WAPL: variants seen among roughly 807,000 people sequenced by gnomAD.
WAPL encodes the protein WAPL cohesin release factor, also known as wings apart-like protein homolog.
In WAPL, 5 loss-of-function variants were observed where a neutral mutation model predicts 121.0. That is an observed-to-expected ratio of 0.04 (90% CI 0.02 to 0.09). The LOEUF (loss-of-function observed/expected upper bound fraction) is 0.09. Among genes scored for constraint, WAPL ranks in the 10% least tolerant of loss-of-function variants. The probability of loss-of-function intolerance (pLI) is 1.00; values close to 1 mark genes in which losing one functional copy is unlikely to be tolerated. For synonymous variants in WAPL, 480 were observed against 481.5 expected (o/e 1.00, Z 0.04); for missense variants, 999 against 1,410.8 (o/e 0.71, Z 4.68).
intron 9 of WAPL, 128 bp from the exon 10 acceptor site, chr10:86,461,415 A>G: frequency 1.5e-6 from 1 of 662,872 alleles, no homozygotes; most frequent in Non-Finnish European, 2.5e-6. Flanking sequence ...AAATTGAACT[A>G]ATTTTCAATT....
chr10:86,449,566 C>A (rs1400359825), intron 15 of WAPL, among the ~76,000 whole-genome samples: 1 of 152,150 alleles, frequency 6.6e-6, no homozygotes. Flanking sequence ...CAATTAGACA[C>A]AGTAGGAAAA....
rs1381585992 is a variant in WAPL, at chr10:86,499,978, T to C, written c.1265A>G (p.Lys422Arg). 6.2e-7 allele frequency: 1 copy of C among 1,614,158 alleles called. No individual in the cohort carries two copies. Among genetic ancestry groups the C allele is most frequent in the East Asian group, 2.2e-5 (1 of 44,886 alleles). ...RFRPSNTKSK[K>R]DVKLEFFGFE... The stretch of plus-strand genomic sequence containing the variant: ...ACCAAAAAATTCAAGTTTAACATCC[T>C]TTTTGGATTTAGTATTACTAGGTCG... The change falls in exon 3 of 19, where the codon AAG (lysine) becomes AGG (arginine). Residue 422 changes from lysine (K) to arginine (R), a missense_variant. Lys to Arg is a conservative substitution (Grantham distance 26). Transcript: ENST00000298767.
At chr10:86,476,251 G>C (rs1462371459) in intron 4 of WAPL, among the ~76,000 whole-genome samples, 1 of 152,042 alleles carries the variant, frequency 6.6e-6, no homozygotes, top group Non-Finnish European at 1.5e-5. Flanking sequence ...TGCAGTCCCA[G>C]CTACTTGGGA....
At chr10:86,454,812 C>T (rs1841094065) in intron 12 of WAPL, among the ~76,000 whole-genome samples, 1 of 151,244 alleles carries the variant, frequency 6.6e-6, no homozygotes, top group South Asian at 2.1e-4. Context: ...GGCCGCCCAT[C>T]GTCTGAGATG....
At chr10:86,503,670 G>A (rs995699038) in intron 2 of WAPL, among the ~76,000 whole-genome samples, 10 of 151,012 alleles carry the variant, frequency 6.6e-5, no homozygotes, top group African/African-American at 9.7e-5. Context: ...GGAGAATGGC[G>A]TGAACCCGGA....
intron 2 of WAPL, among the ~76,000 whole-genome samples, chr10:86,512,279 A>G (rs1180324671): frequency 6.6e-6 from 1 of 152,252 alleles, no homozygotes; most frequent in African/African-American, 2.4e-5. Context: ...TACAGCTTTA[A>G]GCAAATTAAA....
intron 15 of WAPL, among the ~76,000 whole-genome samples, chr10:86,449,475 T>C (rs1175465601): frequency 1.3e-5 from 2 of 152,112 alleles, no homozygotes; most frequent in Non-Finnish European, 2.9e-5. Context: ...ACAGAGAAGA[T>C]ATAGGATGAT....
chr10:86,450,944 C>G (rs1278661270), intron 15 of WAPL, among the ~76,000 whole-genome samples: 1 of 152,126 alleles, frequency 6.6e-6, no homozygotes, highest in Non-Finnish European at 1.5e-5. Flanking sequence ...TCACAATTTC[C>G]CATGCTCGGC....
chr10:86,477,856 G>T (rs950975743), intron 4 of WAPL, among the ~76,000 whole-genome samples: 2 of 151,880 alleles, frequency 1.3e-5, no homozygotes, highest in Non-Finnish European at 2.9e-5. Flanking sequence ...AAGGTGGGCG[G>T]ATCACTTGAG....
In WAPL at chr10:86,438,006, T is replaced by C; in HGVS notation, c.3421A>G (p.Thr1141Ala). The C allele has an allele frequency of 6.2e-7, 1 of 1,613,008 alleles. No individual in the cohort carries two copies. Residue 1141 changes from threonine (T) to alanine (A), a missense_variant, in exon 18 of 19, where the codon ACC becomes GCC. By Grantham distance (58) the Thr-to-Ala change is moderately conservative (BLOSUM62 0). This residue lies in a region of WAPL where 35 missense variants were observed against 80.3 expected (regional missense o/e 0.44). Transcript: ENST00000298767. ...TCTGGCAGATATTCCCGCACAGTGG[T>C]TACATTGATCTGAGGAAACAGAGCA... is the stretch of plus-strand genomic sequence containing the variant. ...CLCQESPINVTTVREYLPEGD... is the reference protein window; with the variant it reads ...CLCQESPINVATVREYLPEGD...
At chr10:86,456,987 G>A (rs189282525) in intron 12 of WAPL, among the ~76,000 whole-genome samples, 4 of 152,214 alleles carry the variant, frequency 2.6e-5, no homozygotes, top group East Asian at 3.9e-4. Context: ...CACAACAAAA[G>A]AGCACCTGTC....
chr10:86,460,567 C>T, intron 10 of WAPL, 71 bp from the exon 11 acceptor site: 1 of 1,252,578 alleles, frequency 8.0e-7, no homozygotes. Context: ...TTTTAGCTAA[C>T]ATTAGAAGCC....
chr10:86,462,522 C>T (rs559088218), intron 9 of WAPL, among the ~76,000 whole-genome samples: 1 of 152,080 alleles, frequency 6.6e-6, no homozygotes, highest in East Asian at 1.9e-4. Context: ...GAGATTAAGA[C>T]CAGTCTGGCC....
intron 12 of WAPL, among the ~76,000 whole-genome samples, 195 bp downstream of exon 12, chr10:86,458,794 G>A (rs1039473707): frequency 6.6e-6 from 1 of 152,138 alleles, no homozygotes; most frequent in Non-Finnish European, 1.5e-5. Context: ...AAATTATCAA[G>A]CTGGAATCCA....
In WAPL at chr10:86,437,615, G is replaced by T. The variant is rs771007420; in HGVS notation, c.3508-7C>A. The T allele has an allele frequency of 2.5e-5, 40 of 1,613,580 alleles. 1 individual carries two copies. In the South Asian group the frequency reaches 2.6e-4, roughly 11 times the overall value. ...CAGTTGTTCCAACAGCACACTGAAAGCAGGGTGAAGGGGAAAGGAAGTAAC... is the reference window on the plus strand; with the variant it reads ...CAGTTGTTCCAACAGCACACTGAAATCAGGGTGAAGGGGAAAGGAAGTAAC... On this transcript the variant is annotated splice_region_variant and splice_polypyrimidine_tract_variant and intron_variant, in intron 18 of 18. Transcript: ENST00000298767.
At chr10:86,456,837 T>G (rs1841158373) in intron 12 of WAPL, among the ~76,000 whole-genome samples, 3 of 152,228 alleles carry the variant, frequency 2.0e-5, no homozygotes, top group Admixed American at 2.0e-4. Flanking sequence ...ATATGTTATT[T>G]AATCTTTCTG....
intron 17 of WAPL, among the ~76,000 whole-genome samples, 162 bp downstream of exon 17, chr10:86,443,113 C>T (rs1257313809): frequency 6.7e-6 from 1 of 148,726 alleles, no homozygotes; most frequent in Non-Finnish European, 1.5e-5. Flanking sequence ...AGGAAACAAA[C>T]AATTTAAACA....
chr10:86,515,602 G>A (rs1842539487), intron 2 of WAPL, among the ~76,000 whole-genome samples: 1 of 151,838 alleles, frequency 6.6e-6, no homozygotes, highest in South Asian at 2.1e-4. Flanking sequence ...GGCCAACACG[G>A]TGAAAACCTG....
In WAPL at chr10:86,471,034, T is replaced by C; in HGVS notation, c.2100A>G (p.Val700=). Residue 700 remains valine, a synonymous_variant, in exon 8 of 19, where the codon GTA becomes GTG. Coordinates refer to ENST00000298767, the MANE Select transcript of WAPL (RefSeq NM_015045.5). Reference sequence around the variant, plus strand: ...CATCCAAGGTTTTAAAGACCATTGCTACCATCCCATGTGCTCTCAGGTGCA... The same window carrying C: ...CATCCAAGGTTTTAAAGACCATTGCCACCATCCCATGTGCTCTCAGGTGCA... ...FRMHLRAHGM[V]AMVFKTLDDS... The C allele has an allele frequency of 6.2e-7, 1 of 1,614,020 alleles. No homozygotes were observed. The highest frequency in any genetic ancestry group is 8.5e-7 in the Non-Finnish European group (1 of 1,179,966).
Sources: gnomAD v4.1 joint callset for allele counts (sites outside exome capture counted in the v4.1 genomes callset) on GRCh38, gnomAD v4.1.1 for gene constraint, gnomAD v4.1.1 regional missense constraint, MANE v1.5 for transcripts, NCBI Gene and HGNC (gene_info 2026-07-23, HGNC 2026-07-21) for gene names.